Variants in CUX1 observed in about 807,000 individuals in gnomAD.
The protein encoded by CUX1 is protein CASP.
Under a neutral mutation model 158.8 loss-of-function variants are expected in CUX1, and 31 were observed. That is an observed-to-expected ratio of 0.20 (90% CI 0.15 to 0.26). CUX1 has a LOEUF of 0.26. Among genes scored for constraint, CUX1 ranks in the 10% least tolerant of loss-of-function variants. CUX1 has a pLI of 1.00. For missense variants in CUX1, 1,589 were observed against 2,014.6 expected (o/e 0.79, Z 4.04); for synonymous variants, 879 against 862.1 (o/e 1.02, Z -0.34).
At chr7:101,968,551 T>C (rs191061657) in intron 2 of CUX1, among the ~76,000 whole-genome samples, 1 of 152,186 alleles carries the variant, frequency 6.6e-6, no homozygotes, top group East Asian at 1.9e-4. Flanking sequence ...GCCTCCTGAG[T>C]AGCTGGGGTT....
At chr7:101,997,865 G>A (rs1333247905) in intron 2 of CUX1, among the ~76,000 whole-genome samples, 1 of 151,170 alleles carries the variant, frequency 6.6e-6, no homozygotes. Context: ...TGTTGGATAA[G>A]AGGTTGACCC....
intron 1 of CUX1, among the ~76,000 whole-genome samples, chr7:101,887,777 TCTTG>T (rs1030597294): frequency 1.8e-4 from 28 of 151,910 alleles, no homozygotes; most frequent in African/African-American, 6.3e-4. Context: ...ATACGACATT[TCTTG>T]CTTTTAGGAC....
chr7:101,970,269 C>T (rs1811788872), intron 2 of CUX1, among the ~76,000 whole-genome samples: 1 of 152,126 alleles, frequency 6.6e-6, no homozygotes. Flanking sequence ...TCACAACAGA[C>T]CTTTCATAGA....
intron 2 of CUX1, among the ~76,000 whole-genome samples, chr7:101,948,492 G>A (rs757557522): frequency 6.6e-6 from 1 of 152,136 alleles, no homozygotes; most frequent in Non-Finnish European, 1.5e-5. Context: ...TTGGAACGTT[G>A]CCTGCTTTGT....
chr7:101,867,633 C>T (rs566793808), intron 1 of CUX1, among the ~76,000 whole-genome samples: 3 of 152,188 alleles, frequency 2.0e-5, no homozygotes, highest in East Asian at 1.9e-4. Context: ...TGCTGCTGCC[C>T]GTGGTGGCTC....
chr7:101,907,672 ATGAACT>A (rs1047565877), intron 1 of CUX1, among the ~76,000 whole-genome samples: 1 of 152,160 alleles, frequency 6.6e-6, no homozygotes, highest in Non-Finnish European at 1.5e-5. Flanking sequence ...AAGCAAAAAC[ATGAACT>A]TTAACTTTAG....
rs80342965 is a variant in CUX1, at chr7:101,887,120, G to A, written c.31-28995G>A. Among the ~76,000 whole-genome samples, 1,189 of 152,266 alleles carry A rather than the reference G, an allele frequency of 7.8e-3. 19 individuals carry two copies. The highest frequency in any genetic ancestry group is 0.027 in the African/African-American group (1,140 of 41,542). On this transcript the variant is annotated intron_variant, in intron 1 of 23. Transcript: ENST00000292535. ...GGCGTTGTTGAGTCCTGGGCTGGCA[G>A]GGACAGTTTTGCAGGGACGGTTTGG...
At chr7:102,048,086 G>C (rs1192148136) in intron 3 of CUX1, among the ~76,000 whole-genome samples, 2 of 152,052 alleles carry the variant, frequency 1.3e-5, no homozygotes, top group Admixed American at 1.3e-4. Flanking sequence ...TTTCCATGAT[G>C]TCGCTCACCC....
intron 2 of CUX1, among the ~76,000 whole-genome samples, chr7:101,965,718 A>G (rs1396974795): frequency 7.9e-5 from 12 of 151,622 alleles, no homozygotes; most frequent in South Asian, 6.3e-4. Context: ...GCGTGGTGGC[A>G]GGCGCCTGTA....
At chr7:101,944,145 C>T (rs1011106711) in intron 2 of CUX1, among the ~76,000 whole-genome samples, 4 of 152,090 alleles carry the variant, frequency 2.6e-5, no homozygotes, top group Admixed American at 1.3e-4. Flanking sequence ...AGCCCTGTCC[C>T]CACCCAGGGA....
chr7:102,098,101 A>G (rs782195579), intron 5 of CUX1, among the ~76,000 whole-genome samples: 2 of 152,266 alleles, frequency 1.3e-5, no homozygotes, highest in Non-Finnish European at 2.9e-5. Flanking sequence ...CCTAAAATCC[A>G]GAGGCACTCA....
intron 2 of CUX1, among the ~76,000 whole-genome samples, chr7:101,936,490 CG>C (rs1460036131): frequency 2.0e-5 from 3 of 152,110 alleles, no homozygotes; most frequent in African/African-American, 7.2e-5. Flanking sequence ...ATGGGAACCC[CG>C]GGGAGGAAGT....
At chr7:101,821,193 G>C (rs1349383869) in intron 1 of CUX1, among the ~76,000 whole-genome samples, 1 of 152,116 alleles carries the variant, frequency 6.6e-6, no homozygotes, top group African/African-American at 2.4e-5. Context: ...ACCAGAGCAT[G>C]TAGGTACATT....
At chr7:102,243,650 T>TAATAATA (rs1554535755) in intron 23 of CUX1, among the ~76,000 whole-genome samples, 1 of 144,776 alleles carries the variant, frequency 6.9e-6, no homozygotes, top group Non-Finnish European at 1.5e-5. Context: ...ATAATAATAA[T>TAATAATA]AATAATAATA....
intron 1 of CUX1, among the ~76,000 whole-genome samples, chr7:101,900,268 TA>T (rs1267970461): frequency 6.6e-6 from 1 of 152,194 alleles, no homozygotes; most frequent in Non-Finnish European, 1.5e-5. Context: ...AGCTGTCATG[TA>T]GTGTAACCTG....
At chr7:102,021,905 G>A (rs1819417562) in intron 2 of CUX1, among the ~76,000 whole-genome samples, 2 of 151,938 alleles carry the variant, frequency 1.3e-5, no homozygotes, top group Non-Finnish European at 2.9e-5. Context: ...TTGGAGATGT[G>A]TTTGTAATTC....
At chr7:101,959,909 A>C (rs1268020823) in intron 2 of CUX1, among the ~76,000 whole-genome samples, 1 of 152,188 alleles carries the variant, frequency 6.6e-6, no homozygotes, top group Non-Finnish European at 1.5e-5. Context: ...TAATTTTGCA[A>C]GGCTTTTTAG....
At chr7:102,132,872 T>C (rs1833474490) in intron 8 of CUX1, among the ~76,000 whole-genome samples, 1 of 151,992 alleles carries the variant, frequency 6.6e-6, no homozygotes, top group Admixed American at 6.6e-5. Context: ...GGGTTCACCA[T>C]GTTGGCCAGG....
intron 20 of CUX1, among the ~76,000 whole-genome samples, chr7:102,215,387 T>C (rs1796951492): frequency 6.6e-6 from 1 of 152,138 alleles, no homozygotes; most frequent in African/African-American, 2.4e-5. Context: ...ACTGAGTGTT[T>C]CTCCTGAGAT....
Sources: gnomAD v4.1 joint callset for allele counts (sites outside exome capture counted in the v4.1 genomes callset) on GRCh38, gnomAD v4.1.1 for gene constraint, MANE v1.5 for transcripts, NCBI Gene and HGNC (gene_info 2026-07-23, HGNC 2026-07-21) for gene names.